SGSM1: variants seen among roughly 807,000 people sequenced by gnomAD.
SGSM1 encodes the protein RUN and TBC1 domain containing 2.
SGSM1 carries 73 observed loss-of-function variants against 133.8 expected under a neutral mutation model. The ratio of observed to expected loss-of-function variants is 0.55; its 90% CI spans 0.45 to 0.66. The LOEUF is 0.66. SGSM1 is among the 30% of genes least tolerant of loss of function. SGSM1 has a pLI of 0.00. For synonymous variants in SGSM1, 563 were observed against 573.0 expected, an observed-to-expected ratio of 0.98 and a Z score of 0.25; for missense variants, 1,213 against 1,448.1, an observed-to-expected ratio of 0.84 and a Z score of 2.64.
rs182549256 is a variant in SGSM1, at chr22:24,869,643, A to T, written c.1291+788A>T. ...CCTTTTATAAAGATTCAATGAGATG[A>T]TGAGATATTCATTGTAGAGCCCATA... On this transcript the variant is annotated intron_variant, in intron 12 of 24. Transcript: ENST00000400358. 2.0e-4 allele frequency among the ~76,000 whole-genome samples: 31 copies of T among 152,334 alleles called. No individual in the cohort carries two copies. In the East Asian group the frequency reaches 5.8e-3, roughly 28 times the overall value.
At chr22:24,819,917 G>A (rs1346624972) in intron 2 of SGSM1, among the ~76,000 whole-genome samples, 1 of 152,010 alleles carries the variant, frequency 6.6e-6, no homozygotes, top group Admixed American at 6.6e-5. Context: ...TCCCCTCCAC[G>A]CCCCCAAGTT....
At chr22:24,844,794 T>C in intron 2 of SGSM1, 103 bp from the exon 3 acceptor site, 1 of 1,005,554 alleles carries the variant, frequency 9.9e-7, no homozygotes, top group Non-Finnish European at 1.5e-6. Context: ...CCAAACAGCC[T>C]GAAAGGCCTT....
Position 24,859,817 on chromosome 22 carries a change from G to T in SGSM1, c.903G>T (p.Val301=). The part of the protein sequence containing the change: ...WTPNQLMNGS[V]GDLDYEKSVY... Reference sequence around the variant, plus strand: ...CCAACCAGCTGATGAACGGGTCTGTGGGGGACCTGGACTATGAGAAGAGGT... The same window carrying T: ...CCAACCAGCTGATGAACGGGTCTGTTGGGGACCTGGACTATGAGAAGAGGT... Residue 301 remains valine, a synonymous_variant, in exon 9 of 25, where the codon GTG becomes GTT. Coordinates refer to ENST00000400358, the MANE Select transcript of SGSM1 (RefSeq NM_001098497.3). The T allele has an allele frequency of 6.2e-7, 1 of 1,613,846 alleles. No homozygotes were observed. The highest frequency in any genetic ancestry group is 8.5e-7 in the Non-Finnish European group (1 of 1,179,832).
intron 14 of SGSM1, among the ~76,000 whole-genome samples, chr22:24,881,586 C>CAAAAAA (rs1386567394): frequency 6.6e-6 from 1 of 151,534 alleles, no homozygotes; most frequent in African/African-American, 2.4e-5. Context: ...CAAAACAAAA[C>CAAAAAA]AAAACAAAAA....
At chr22:24,899,021 CAAAAAAAAA>C (rs11284624) in intron 19 of SGSM1, among the ~76,000 whole-genome samples, 1 of 62,432 alleles carries the variant, frequency 1.6e-5, no homozygotes, top group East Asian at 6.1e-4. Context: ...AGCAAGATCT[CAAAAAAAAA>C]AAAAAAAAAA....
intron 2 of SGSM1, chr22:24,843,418 T>G (rs1929918080): frequency 6.5e-6 from 1 of 152,900 alleles, no homozygotes; most frequent in Non-Finnish European, 1.5e-5. Flanking sequence ...GGGACAGCTC[T>G]CAGATGGATG....
chr22:24,901,859 G>A lies in SGSM1; in HGVS notation c.2637G>A (p.Val879=), dbSNP rs1277464543. Residue 879 remains valine (V), a synonymous_variant, in exon 20 of 25, where the codon GTG becomes GTA. Coordinates refer to ENST00000400358, the MANE Select transcript of SGSM1 (RefSeq NM_001098497.3). ...CAGAGCTGCTGGATCTGTACACGGT[G>A]AACCTGCACCGCATCGAGAAGGATG... ...YSPELLDLYT[V]NLHRIEKDVQ... 2 of 1,612,684 alleles carry A rather than the reference G, an allele frequency of 1.2e-6. No homozygotes were observed. The highest frequency in any genetic ancestry group is 1.7e-6 in the Non-Finnish European group (2 of 1,179,530).
At chr22:24,859,866 C>T in intron 9 of SGSM1, 26 bp downstream of exon 9, 5 of 1,612,212 alleles carry the variant, frequency 3.1e-6, no homozygotes, top group Non-Finnish European at 4.2e-6. Flanking sequence ...TGATACGTAT[C>T]CCTTGGGTCC....
chr22:24,848,036 A>G (rs543873809), intron 4 of SGSM1, among the ~76,000 whole-genome samples: 3 of 152,080 alleles, frequency 2.0e-5, no homozygotes, highest in African/African-American at 7.2e-5. Context: ...GTTATCTCAG[A>G]AAATTCCAAC....
At chr22:24,841,068 T>A (rs5996773) in intron 2 of SGSM1, among the ~76,000 whole-genome samples, 1 of 151,960 alleles carries the variant, frequency 6.6e-6, no homozygotes, top group Admixed American at 6.6e-5. Context: ...GCCAAGATGG[T>A]CTCGATCTCC....
chr22:24,922,777 A>G (rs1174583854), intron 24 of SGSM1, among the ~76,000 whole-genome samples: 2 of 152,166 alleles, frequency 1.3e-5, no homozygotes, highest in South Asian at 2.1e-4. Flanking sequence ...GGCCTGGCCC[A>G]TGGCACTTAC....
At chr22:24,900,884 TG>T (rs1261211626) in intron 19 of SGSM1, among the ~76,000 whole-genome samples, 2 of 152,206 alleles carry the variant, frequency 1.3e-5, no homozygotes, top group Admixed American at 1.3e-4. Context: ...TATTATCTGC[TG>T]TACTATTTAA....
At chr22:24,920,027 G>T (rs759802380) in intron 24 of SGSM1, 34 bp downstream of exon 24, 5 of 1,559,942 alleles carry the variant, frequency 3.2e-6, no homozygotes, top group Admixed American at 1.9e-5. Context: ...TGAGAGGGGT[G>T]CAGGCTTCTG....
intron 16 of SGSM1, among the ~76,000 whole-genome samples, chr22:24,889,079 A>G (rs933092170): frequency 3.3e-5 from 5 of 149,786 alleles, no homozygotes; most frequent in African/African-American, 1.2e-4. Flanking sequence ...CTCCTGCCTC[A>G]GCCTCCCCAG....
At chr22:24,813,616 C>T (rs1406965638) in intron 2 of SGSM1, 3 of 152,120 alleles carry the variant, frequency 2.0e-5, no homozygotes, top group Admixed American at 6.6e-5. Flanking sequence ...CTTAAGAGGG[C>T]AGAAACGCTC....
intron 12 of SGSM1, among the ~76,000 whole-genome samples, chr22:24,873,703 A>G (rs1180640929): frequency 6.6e-6 from 1 of 152,136 alleles, no homozygotes; most frequent in Non-Finnish European, 1.5e-5. Context: ...ATTTTAAAAC[A>G]TTAGCTGGCC....
At chr22:24,822,383 C>T (rs753285308) in intron 2 of SGSM1, among the ~76,000 whole-genome samples, 7 of 152,128 alleles carry the variant, frequency 4.6e-5, no homozygotes, top group East Asian at 1.9e-4. Context: ...TGAGCCACCG[C>T]GCCTGGTCTC....
At chr22:24,917,055 CTTTTTTTTTT>C (rs139775) in intron 22 of SGSM1, among the ~76,000 whole-genome samples, 1 of 118,480 alleles carries the variant, frequency 8.4e-6, no homozygotes, top group Admixed American at 8.8e-5. Context: ...ATAAAAAATT[CTTTTTTTTTT>C]TTTTTTTTTT....
intron 15 of SGSM1, 38 bp downstream of exon 15, chr22:24,884,236 G>A: frequency 6.3e-7 from 1 of 1,579,258 alleles, no homozygotes; most frequent in Non-Finnish European, 8.6e-7. Flanking sequence ...GTGATGCAGA[G>A]GCTGCAGGGG....
Sources: allele counts gnomAD v4.1 joint callset (sites outside exome capture counted in the v4.1 genomes callset), GRCh38; gene constraint gnomAD v4.1.1; transcripts MANE v1.5; gene names NCBI Gene and HGNC (gene_info 2026-07-23, HGNC 2026-07-21).